Variants in NRXN3 observed in about 807,000 individuals in gnomAD.
The protein encoded by NRXN3 is neurexin III.
NRXN3 carries 32 observed loss-of-function variants against 137.6 expected under a neutral mutation model. That is an observed-to-expected ratio of 0.23 (90% CI 0.18 to 0.31). The LOEUF (loss-of-function observed/expected upper bound fraction) is 0.31, where lower values mean the gene tolerates loss of function less well. NRXN3 is among the 10% of genes least tolerant of loss of function. NRXN3 has a pLI of 1.00. For missense variants in NRXN3, 1,574 were observed against 2,062.5 expected (o/e 0.76, Z 4.59); for synonymous variants, 798 against 784.5 (o/e 1.02, Z -0.29).
intron 6 of NRXN3, among the ~76,000 whole-genome samples, chr14:78,707,787 C>G (rs1567110033): frequency 6.6e-6 from 1 of 152,192 alleles, no homozygotes. Context: ...TCCCACATAT[C>G]AGTGAGAACA....
In NRXN3 at chr14:79,142,375, G is replaced by A. The variant is rs142104046; in HGVS notation, c.3262+154234G>A. On this transcript the variant is annotated intron_variant, in intron 15 of 20. Transcript: ENST00000335750. Reference sequence around the variant, plus strand: ...CGGGAGGCAGACGTTGCAGTGAGCCGAGATGGCGCCACTGCACCCCAGCCT... The same window carrying A: ...CGGGAGGCAGACGTTGCAGTGAGCCAAGATGGCGCCACTGCACCCCAGCCT... Among the ~76,000 whole-genome samples, 391 of 151,684 alleles carry A rather than the reference G, an allele frequency of 2.6e-3. 2 individuals carry two copies. The highest frequency in any genetic ancestry group is 9.0e-3 in the African/African-American group (373 of 41,360).
intron 15 of NRXN3, among the ~76,000 whole-genome samples, chr14:79,052,888 G>A (rs1310992287): frequency 1.3e-5 from 2 of 152,158 alleles, no homozygotes; most frequent in Non-Finnish European, 2.9e-5. Flanking sequence ...GTGCATGATT[G>A]TGCTTAGCCA....
chr14:78,471,045 G>A (rs997492161), intron 4 of NRXN3, among the ~76,000 whole-genome samples: 3 of 152,080 alleles, frequency 2.0e-5, no homozygotes, highest in Non-Finnish European at 4.4e-5. Flanking sequence ...TAATGACAAG[G>A]CCTTCATTCT....
intron 15 of NRXN3, among the ~76,000 whole-genome samples, chr14:79,386,332 C>A (rs2094615487): frequency 6.6e-6 from 1 of 152,098 alleles, no homozygotes; most frequent in African/African-American, 2.4e-5. Flanking sequence ...AGAGCCAAAT[C>A]ATGACTGAAC....
chr14:79,278,436 A>C (rs1411751189), intron 15 of NRXN3, among the ~76,000 whole-genome samples: 1 of 152,164 alleles, frequency 6.6e-6, no homozygotes, highest in African/African-American at 2.4e-5. Context: ...GCCACGACAG[A>C]GGACAGGTGC....
rs572396025 is a variant in NRXN3 at position 78,785,154 on chromosome 14, A to T, written c.2045-18466A>T. Among the ~76,000 whole-genome samples, 8 of 152,344 alleles carry T rather than the reference A, an allele frequency of 5.3e-5. No individual in the cohort carries two copies. In the South Asian group the frequency reaches 1.7e-3, roughly 32 times the overall value. ...CAGAGATAGCTTTTGCTAGTTAGAG[A>T]AATAAACAAGAAGACATTTTGAGGA... On this transcript the variant is annotated intron_variant, in intron 8 of 20. Coordinates refer to ENST00000335750, the MANE Select transcript of NRXN3 (RefSeq NM_001330195.2).
At chr14:78,918,285 C>CAAAAAAAAAAAAA (rs71454807) in intron 10 of NRXN3, among the ~76,000 whole-genome samples, 4 of 34,640 alleles carry the variant, frequency 1.2e-4, no homozygotes, top group South Asian at 2.7e-3. Context: ...AACTCCATCT[C>CAAAAAAAAAAAAA]AAAAAAAAAA....
At chr14:79,335,684 G>A (rs2092202128) in intron 15 of NRXN3, among the ~76,000 whole-genome samples, 1 of 151,936 alleles carries the variant, frequency 6.6e-6, no homozygotes, top group Non-Finnish European at 1.5e-5. Context: ...TTGTTTGTAT[G>A]TATGTACATA....
chr14:78,260,213 T>C (rs1017549682), intron 2 of NRXN3, among the ~76,000 whole-genome samples: 3 of 152,172 alleles, frequency 2.0e-5, no homozygotes, highest in Non-Finnish European at 2.9e-5. Context: ...AGGAGACATA[T>C]GTGTAACAGT....
At chr14:79,405,133 G>T (rs1245890544) in intron 15 of NRXN3, among the ~76,000 whole-genome samples, 3 of 152,176 alleles carry the variant, frequency 2.0e-5, no homozygotes, top group South Asian at 2.1e-4. Context: ...CAGTGAAACA[G>T]CCTAGCTAGG....
intron 16 of NRXN3, among the ~76,000 whole-genome samples, chr14:79,536,648 C>T (rs1371154649): frequency 1.3e-5 from 2 of 151,924 alleles, no homozygotes; most frequent in East Asian, 3.9e-4. Context: ...AGTTTTGTTC[C>T]CCTCTCTGTG....
intron 15 of NRXN3, among the ~76,000 whole-genome samples, chr14:79,205,799 T>C (rs183999663): frequency 2.0e-5 from 3 of 152,320 alleles, no homozygotes; most frequent in Admixed American, 1.3e-4. Flanking sequence ...GAGGGATATA[T>C]AGATTGACTG....
intron 15 of NRXN3, among the ~76,000 whole-genome samples, chr14:79,202,000 T>C (rs1451291818): frequency 2.6e-5 from 4 of 152,176 alleles, no homozygotes; most frequent in Admixed American, 2.6e-4. Flanking sequence ...AAATCCTGTA[T>C]GCTTAACCAT....
At chr14:78,884,766 AC>A (rs1356501965) in intron 10 of NRXN3, among the ~76,000 whole-genome samples, 1 of 152,132 alleles carries the variant, frequency 6.6e-6, no homozygotes, top group Non-Finnish European at 1.5e-5. Flanking sequence ...TTGAAGCCAA[AC>A]AGCCTATGTC....
At chr14:79,375,876 T>C (rs938887781) in intron 15 of NRXN3, among the ~76,000 whole-genome samples, 1 of 151,892 alleles carries the variant, frequency 6.6e-6, no homozygotes, top group Non-Finnish European at 1.5e-5. Flanking sequence ...AGATTATTCT[T>C]AGAAATGTTT....
chr14:79,141,280 C>A (rs550040607), intron 15 of NRXN3, among the ~76,000 whole-genome samples: 36 of 152,306 alleles, frequency 2.4e-4, no homozygotes, highest in African/African-American at 7.7e-4. Context: ...TTATCACAAG[C>A]ACCTTAGTTT....
intron 2 of NRXN3, among the ~76,000 whole-genome samples, chr14:78,246,658 G>A (rs892962303): frequency 2.0e-5 from 3 of 152,118 alleles, no homozygotes; most frequent in African/African-American, 7.2e-5. Flanking sequence ...ATGCATCACA[G>A]ACTATTAGAA....
chr14:79,667,800 G>T lies in NRXN3; in HGVS notation c.3616+3851G>T, dbSNP rs557116072. Among the ~76,000 whole-genome samples the T allele has an allele frequency of 3.9e-5, 6 of 152,024 alleles. No individual in the cohort carries two copies. In the South Asian group the frequency reaches 6.2e-4, roughly 16 times the overall value. On this transcript the variant is annotated intron_variant, in intron 17 of 20. Coordinates refer to ENST00000335750, the MANE Select transcript of NRXN3 (RefSeq NM_001330195.2). ...CAATGCGGTGGTAGGAACAAGGGAG[G>T]GGGGGTGAAAGGTGACTTGAGTATG...
intron 16 of NRXN3, among the ~76,000 whole-genome samples, chr14:79,657,373 G>A (rs1174634503): frequency 6.6e-6 from 1 of 152,150 alleles, no homozygotes; most frequent in African/African-American, 2.4e-5. Flanking sequence ...CTTCTCAAGG[G>A]GAGGGGACTG....
Sources: allele counts gnomAD v4.1 joint callset (sites outside exome capture counted in the v4.1 genomes callset), GRCh38; gene constraint gnomAD v4.1.1; transcripts MANE v1.5; gene names NCBI Gene and HGNC (gene_info 2026-07-23, HGNC 2026-07-21).